The following VOPP1 variants were observed in gnomAD, a reference collection of about 807,000 sequenced individuals.
VOPP1 encodes the protein VOPP1 WW domain binding protein.
Under a neutral mutation model 23.5 loss-of-function variants are expected in VOPP1, and 8 were observed. The observed-to-expected ratio is 0.34, with a 90% CI of 0.20 to 0.61. The LOEUF (loss-of-function observed/expected upper bound fraction) is 0.61, where lower values mean the gene tolerates loss of function less well. Ranked by LOEUF, VOPP1 falls within the 20% of genes least tolerant of loss-of-function variation. The probability of loss-of-function intolerance (pLI) is 0.78; values close to 1 mark genes in which losing one functional copy is unlikely to be tolerated. For missense variants in VOPP1, 174 were observed against 238.1 expected, an observed-to-expected ratio of 0.73 and a Z score of 1.77; for synonymous variants, 83 against 97.3, an observed-to-expected ratio of 0.85 and a Z score of 0.86.
chr7:55,507,909 G>A (rs563921276), intron 2 of VOPP1, among the ~76,000 whole-genome samples: 3 of 152,178 alleles, frequency 2.0e-5, no homozygotes, highest in Admixed American at 6.5e-5. Context: ...AGCCCGAGAC[G>A]TTGAGGGTGG....
At chr7:55,489,540 G>GA (rs1445050240) in intron 4 of VOPP1, among the ~76,000 whole-genome samples, 1 of 152,182 alleles carries the variant, frequency 6.6e-6, no homozygotes, top group Non-Finnish European at 1.5e-5. Context: ...TTGTTTGCGT[G>GA]AAAGCTCACA....
At chr7:55,498,318 G>A (rs1292722942) in intron 2 of VOPP1, among the ~76,000 whole-genome samples, 3 of 152,336 alleles carry the variant, frequency 2.0e-5, no homozygotes, top group Middle Eastern at 3.4e-3. Context: ...CACTATCACT[G>A]CTCACGCTGC....
chr7:55,499,597 G>A (rs1794222372), intron 2 of VOPP1, among the ~76,000 whole-genome samples: 1 of 152,236 alleles, frequency 6.6e-6, no homozygotes, highest in Admixed American at 6.5e-5. Flanking sequence ...AAGTTCTTCT[G>A]TGGTGAAAAA....
At position 55,557,248 on chromosome 7, in the gene VOPP1, A is replaced by G. The variant is rs77203707; in HGVS notation, c.54+15023T>C. On this transcript the variant is annotated intron_variant, in intron 1 of 4. Transcript: ENST00000285279. ...TGAGAAAGCCCCAGTCTCCTGAGCC[A>G]CAGTCCACTCATCTGCAAAATGGAC... is the stretch of plus-strand genomic sequence containing the variant. 1.3e-3 allele frequency among the ~76,000 whole-genome samples: 191 copies of G among 152,296 alleles called. 2 individuals carry two copies. The East Asian group carries it at 0.019, about 16-fold the overall frequency.
intron 2 of VOPP1, among the ~76,000 whole-genome samples, chr7:55,519,701 C>T (rs1340541924): frequency 2.0e-5 from 3 of 152,182 alleles, no homozygotes; most frequent in African/African-American, 7.2e-5. Flanking sequence ...CTTCCAGGGC[C>T]CCCACGCCAT....
At chr7:55,463,702 C>T (rs1298040296) in intron 4 of VOPP1, among the ~76,000 whole-genome samples, 2 of 152,156 alleles carry the variant, frequency 1.3e-5, no homozygotes, top group Non-Finnish European at 2.9e-5. Context: ...CTCCCACCCC[C>T]GCTCCCCAGC....
chr7:55,543,999 G>A (rs1225303757), intron 1 of VOPP1, among the ~76,000 whole-genome samples: 1 of 152,162 alleles, frequency 6.6e-6, no homozygotes, highest in Non-Finnish European at 1.5e-5. Context: ...ACAATGTCCT[G>A]AAGCATTTCC....
chr7:55,442,898 C>T lies in VOPP1; in HGVS notation n.418-6724G>A, dbSNP rs920106136. Among the ~76,000 whole-genome samples, 5 of 152,052 alleles carry T rather than the reference C, an allele frequency of 3.3e-5. No homozygotes were observed. In the East Asian group the frequency reaches 9.7e-4, roughly 29 times the overall value. ...TTGGGAGGCTGAGGCAGGTGGATCA[C>T]GAGGTCAGGAGATCGAGACCATCCT... On this transcript the variant is annotated intron_variant and non_coding_transcript_variant, in intron 4 of 4. Coordinates refer to the VOPP1 transcript ENST00000462326.
intron 2 of VOPP1, among the ~76,000 whole-genome samples, chr7:55,510,081 A>G (rs1362279030): frequency 6.6e-6 from 1 of 152,214 alleles, no homozygotes; most frequent in Non-Finnish European, 1.5e-5. Context: ...GGGGAGGAAG[A>G]GAATTTTTAT....
intron 1 of VOPP1, among the ~76,000 whole-genome samples, chr7:55,548,556 A>G (rs765705958): frequency 3.3e-5 from 5 of 152,346 alleles, no homozygotes; most frequent in South Asian, 2.1e-4. Flanking sequence ...TAGCATTCAG[A>G]TGAGTCCCAC....
intron 1 of VOPP1, among the ~76,000 whole-genome samples, chr7:55,556,401 A>G (rs542110951): frequency 3.3e-5 from 5 of 152,282 alleles, no homozygotes; most frequent in Non-Finnish European, 7.4e-5. Flanking sequence ...TCATCTTCCA[A>G]ATTTCCACAT....
At chr7:55,515,429 T>C (rs1795341285) in intron 2 of VOPP1, among the ~76,000 whole-genome samples, 1 of 152,114 alleles carries the variant, frequency 6.6e-6, no homozygotes, top group Non-Finnish European at 1.5e-5. Context: ...AGCGGACCCA[T>C]CAGCCACCTC....
intron 1 of VOPP1, among the ~76,000 whole-genome samples, chr7:55,562,239 C>T (rs1798014437): frequency 6.6e-6 from 1 of 152,200 alleles, no homozygotes; most frequent in Non-Finnish European, 1.5e-5. Flanking sequence ...CATGGGTCTG[C>T]TTTCCTAAAG....
downstream of VOPP1, among the ~76,000 whole-genome samples, chr7:55,470,053 C>A (rs1459482241): frequency 2.0e-5 from 3 of 151,890 alleles, no homozygotes; most frequent in African/African-American, 7.3e-5. Context: ...TCTAAAAAAA[C>A]AAAAAGGAAG....
At chr7:55,449,643 G>A (rs1791192983) in intron 4 of VOPP1, among the ~76,000 whole-genome samples, 1 of 152,214 alleles carries the variant, frequency 6.6e-6, no homozygotes, top group Admixed American at 6.5e-5. Context: ...GACTGGCTGG[G>A]GTCACCTGGA....
At chr7:55,507,207 A>C (rs1446629187) in intron 2 of VOPP1, among the ~76,000 whole-genome samples, 1 of 152,204 alleles carries the variant, frequency 6.6e-6, no homozygotes, top group Non-Finnish European at 1.5e-5. Flanking sequence ...GCACAGGCTC[A>C]CGTCAGAACT....
At chr7:55,516,551 G>T (rs1795420356) in intron 2 of VOPP1, among the ~76,000 whole-genome samples, 1 of 152,172 alleles carries the variant, frequency 6.6e-6, no homozygotes, top group African/African-American at 2.4e-5. Flanking sequence ...ACGCTGAAAT[G>T]AAATGCAGGG....
At chr7:55,452,614 A>C (rs1791271199) in intron 4 of VOPP1, among the ~76,000 whole-genome samples, 1 of 152,240 alleles carries the variant, frequency 6.6e-6, no homozygotes, top group Admixed American at 6.5e-5. Flanking sequence ...TCCTTGATCC[A>C]TGGGCTGCAG....
intron 4 of VOPP1, among the ~76,000 whole-genome samples, chr7:55,464,566 G>A (rs928557825): frequency 2.6e-5 from 4 of 152,136 alleles, no homozygotes; most frequent in Admixed American, 1.3e-4. Flanking sequence ...CTTTGTTCTG[G>A]TGACTGCCTC....
Sources: allele counts gnomAD v4.1 joint callset (sites outside exome capture counted in the v4.1 genomes callset), GRCh38; gene constraint gnomAD v4.1.1; transcripts MANE v1.5; gene names NCBI Gene and HGNC (gene_info 2026-07-23, HGNC 2026-07-21).